Variants in AP4E1 observed in about 807,000 individuals in gnomAD.
AP4E1 encodes the protein adaptor related protein complex 4 subunit epsilon 1, also known as AP-4 complex subunit epsilon-1.
AP4E1 carries 56 observed loss-of-function variants against 128.2 expected under a neutral mutation model. The ratio of observed to expected loss-of-function variants is 0.44; its 90% CI spans 0.35 to 0.55. AP4E1 has a LOEUF of 0.55. Among genes scored for constraint, AP4E1 ranks in the 20% least tolerant of loss-of-function variants. The pLI is 0.00. For synonymous variants in AP4E1, 484 were observed against 473.1 expected (o/e 1.02, Z -0.30); for missense variants, 1,324 against 1,307.7 (o/e 1.01, Z -0.19).
At chr15:50,952,164 T>A (rs1399163380) in intron 13 of AP4E1, among the ~76,000 whole-genome samples, 1 of 152,104 alleles carries the variant, frequency 6.6e-6, no homozygotes, top group Non-Finnish European at 1.5e-5. Context: ...TCCTAAAACC[T>A]CAACATGAAT....
At chr15:50,932,106 A>G (rs1314357625) in intron 7 of AP4E1, among the ~76,000 whole-genome samples, 2 of 152,076 alleles carry the variant, frequency 1.3e-5, no homozygotes, top group African/African-American at 4.8e-5. Context: ...CAGTTTCCCA[A>G]GTAGCTGGGA....
Position 50,993,645 on chromosome 15 carries a change from C to T in AP4E1, c.2346+20C>T. ...AACCTGGTAAGTAATCGGTTCTATT[C>T]CTGTAAGAATCTTTGTCATCTGTCT... On this transcript the variant is annotated intron_variant, in intron 17 of 20. Transcript: ENST00000261842. 1 of 1,613,506 alleles carries T rather than the reference C, an allele frequency of 6.2e-7. No homozygotes were observed. Among genetic ancestry groups the T allele is most frequent in the Non-Finnish European group, 8.5e-7 (1 of 1,179,778 alleles).
chr15:50,996,385 AGTTTTTGTGCCCCCTT>A (rs2064875136), intron 17 of AP4E1, among the ~76,000 whole-genome samples: 1 of 152,178 alleles, frequency 6.6e-6, no homozygotes, highest in South Asian at 2.1e-4. Flanking sequence ...TAACTACAGT[AGTTTTTGTGCCCCCTT>A]GTTTTTGTGT....
At chr15:50,919,235 A>C (rs1455414505) in intron 3 of AP4E1, among the ~76,000 whole-genome samples, 1 of 151,240 alleles carries the variant, frequency 6.6e-6, no homozygotes, top group African/African-American at 2.4e-5. Flanking sequence ...GTCTCAAAAA[A>C]ATAAATAAAT....
chr15:50,913,692 G>T (rs1343454682), intron 2 of AP4E1, among the ~76,000 whole-genome samples: 1 of 152,186 alleles, frequency 6.6e-6, no homozygotes. Flanking sequence ...TACAAATCTA[G>T]GGTTGAAACT....
chr15:50,930,713 G>T (rs2063822660), intron 6 of AP4E1, 92 bp from the exon 7 acceptor site: 1 of 1,180,500 alleles, frequency 8.5e-7, no homozygotes, highest in Non-Finnish European at 1.3e-6. Context: ...ACTTAAGTAT[G>T]TATTAAGTCA....
intron 13 of AP4E1, among the ~76,000 whole-genome samples, chr15:50,954,285 C>T (rs1178832020): frequency 6.6e-6 from 1 of 152,088 alleles, no homozygotes; most frequent in African/African-American, 2.4e-5. Flanking sequence ...GGAATGTGCC[C>T]TCCTATTTTC....
rs1227938946 is a variant in AP4E1, at chr15:50,918,304, G to T, written c.346+2733G>T. Among the ~76,000 whole-genome samples the T allele has an allele frequency of 2.6e-5, 4 of 152,082 alleles. No individual in the cohort carries two copies. The South Asian group carries it at 6.2e-4, about 24-fold the overall frequency. On this transcript the variant is annotated intron_variant, in intron 3 of 20. Transcript: ENST00000261842. ...CTACCTGGGAACCTGTTTAAATATT[G>T]CATGGGTAGAATTTAGTACTTTGCT... is the stretch of plus-strand genomic sequence containing the variant.
intron 15 of AP4E1, among the ~76,000 whole-genome samples, chr15:50,980,882 C>G (rs1009676818): frequency 1.3e-5 from 2 of 152,140 alleles, no homozygotes; most frequent in Non-Finnish European, 2.9e-5. Flanking sequence ...TGTAGGTGCA[C>G]AGTGTGCAAG....
chr15:50,998,184 T>C (rs1354390916), intron 18 of AP4E1, among the ~76,000 whole-genome samples: 2 of 103,420 alleles, frequency 1.9e-5, no homozygotes, highest in African/African-American at 6.1e-5. Context: ...CATTATTGTA[T>C]GGATGTCCTT....
Position 50,941,331 on chromosome 15 carries a change from A to T in AP4E1, c.944-111A>T, listed in dbSNP as rs192088712. On this transcript the variant is annotated intron_variant, in intron 8 of 20. Transcript: ENST00000261842. ...TTTCTGTGAAAAGTCCATAAATAAG[A>T]TTTCTGACTAAAATGGACTTTCCAA... 2,783 of 1,248,828 alleles carry T rather than the reference A, an allele frequency of 2.2e-3. 13 individuals are homozygous for T. Among genetic ancestry groups the T allele is most frequent in the Non-Finnish European group, 3.0e-3 (2,623 of 878,704 alleles). 77.4% of individuals were successfully genotyped at this position (1,248,828 alleles called of 1,614,324 possible).
chr15:50,961,521 A>G lies in AP4E1; in HGVS notation c.1851+2727A>G, dbSNP rs972459902. The stretch of plus-strand genomic sequence containing the variant: ...GGACAAAAACCATATGATCATCTCA[A>G]TAGATGCAGAGAATTCATTTGGTAG... On this transcript the variant is annotated intron_variant, in intron 14 of 20. Transcript: ENST00000261842. 8.5e-5 allele frequency among the ~76,000 whole-genome samples: 13 copies of G among 152,152 alleles called. 1 individual carries two copies. Among genetic ancestry groups the G allele is most frequent in the Non-Finnish European group, 1.3e-4 (9 of 67,970 alleles).
intron 13 of AP4E1, among the ~76,000 whole-genome samples, chr15:50,952,787 G>A (rs2064169498): frequency 6.6e-6 from 1 of 152,074 alleles, no homozygotes; most frequent in African/African-American, 2.4e-5. Context: ...CTACATTCTG[G>A]ATATCTAATT....
rs1419490859 is a variant in AP4E1 at position 50,912,163 on chromosome 15, G to A, written c.222+14G>A. The A allele has an allele frequency of 1.2e-6, 2 of 1,606,646 alleles. No individual in the cohort carries two copies. The highest frequency in any genetic ancestry group is 1.1e-5 in the South Asian group (1 of 90,710). ...ACTACAACACTGGTAGGTTTGCATAGTCAGTGCCAACACATTTGAATTTGA... is the reference window on the plus strand; with the variant it reads ...ACTACAACACTGGTAGGTTTGCATAATCAGTGCCAACACATTTGAATTTGA... On this transcript the variant is annotated intron_variant, in intron 2 of 20. Coordinates refer to ENST00000261842, the MANE Select transcript of AP4E1 (RefSeq NM_007347.5).
intron 19 of AP4E1, among the ~76,000 whole-genome samples, chr15:50,999,836 A>G (rs1186196358): frequency 2.7e-5 from 4 of 150,536 alleles, no homozygotes; most frequent in Non-Finnish European, 5.9e-5. Context: ...ATATCTCCTA[A>G]AGCTATCCCT....
chr15:50,980,152 C>CTT (rs1437053144), intron 15 of AP4E1, among the ~76,000 whole-genome samples: 1 of 152,152 alleles, frequency 6.6e-6, no homozygotes. Context: ...CTCTTTATCT[C>CTT]TAAGTTACTT....
chr15:50,991,040 C>T (rs1176171110), intron 16 of AP4E1, among the ~76,000 whole-genome samples: 2 of 152,194 alleles, frequency 1.3e-5, no homozygotes, highest in African/African-American at 4.8e-5. Context: ...AATGACCCTT[C>T]AGAGTTGTGC....
In AP4E1 at chr15:50,908,889, C is replaced by T. The variant is rs939853762; in HGVS notation, c.111C>T (p.Gly37=). 6.2e-7 allele frequency: 1 copy of T among 1,610,570 alleles called. No homozygotes were observed. The change falls in exon 1 of 21, where the codon GGC becomes GGT. Residue 37 remains glycine (G), a synonymous_variant. Coordinates refer to ENST00000261842, the MANE Select transcript of AP4E1 (RefSeq NM_007347.5). ...AAKASFSSRL[G]SLVRGITALT... ...AGGCGTCCTTCTCCTCGAGGCTGGG[C>T]AGCCTTGTCCGCGGCATCACAGCCC...
At position 50,920,050 on chromosome 15, in the gene AP4E1, C is replaced by T. The variant is rs185453572; in HGVS notation, c.347-3881C>T. ...TGAGATTGTGCCACTGCACTCCAGC[C>T]TAGGCAACACAGCGATAATATGTCT... On this transcript the variant is annotated intron_variant, in intron 3 of 20. Coordinates refer to ENST00000261842, the MANE Select transcript of AP4E1 (RefSeq NM_007347.5). Among the ~76,000 whole-genome samples, 104 of 142,510 alleles carry T rather than the reference C, an allele frequency of 7.3e-4. 1 individual carries two copies. The East Asian group carries it at 9.7e-3, about 13-fold the overall frequency. The allele number at this position is 142,510 out of a possible 152,430, so 93.5% of individuals were successfully genotyped here.
Sources: allele counts gnomAD v4.1 joint callset (sites outside exome capture counted in the v4.1 genomes callset), GRCh38; gene constraint gnomAD v4.1.1; transcripts MANE v1.5; gene names NCBI Gene and HGNC (gene_info 2026-07-23, HGNC 2026-07-21).